Variants in CD247 observed in about 807,000 individuals in gnomAD.
The protein encoded by CD247 is T-cell surface glycoprotein CD3 zeta chain.
A neutral mutation model predicts 30.0 loss-of-function variants in CD247; 13 were observed. The ratio of observed to expected loss-of-function variants is 0.43; its 90% confidence interval spans 0.28 to 0.69. The LOEUF is 0.69. Among genes scored for constraint, CD247 ranks in the 30% least tolerant of loss-of-function variants. CD247 has a pLI of 0.16. For synonymous variants in CD247, 72 were observed against 80.0 expected (o/e 0.90, Z 0.53); for missense variants, 193 against 212.6 (o/e 0.91, Z 0.57).
chr1:167,470,631 GT>G (rs1426756957), intron 1 of CD247, among the ~76,000 whole-genome samples: 5 of 150,660 alleles, frequency 3.3e-5, no homozygotes, highest in Non-Finnish European at 5.9e-5. Flanking sequence ...TTCTTCTAAT[GT>G]TTTTTTCTAC....
At chr1:167,482,350 C>T (rs1654007771) in intron 1 of CD247, among the ~76,000 whole-genome samples, 1 of 152,260 alleles carries the variant, frequency 6.6e-6, no homozygotes, top group African/African-American at 2.4e-5. Flanking sequence ...GGTCTTCCCT[C>T]ACCAACAGCC....
chr1:167,439,483 G>C (rs893668534), intron 2 of CD247, 83 bp from the exon 3 acceptor site: 72 of 1,220,858 alleles, frequency 5.9e-5, no homozygotes, highest in Non-Finnish European at 8.5e-5. Flanking sequence ...GGCGACCCGA[G>C]GGACAGCCCT....
chr1:167,491,295 G>T (rs903684226), intron 1 of CD247, among the ~76,000 whole-genome samples: 1 of 152,140 alleles, frequency 6.6e-6, no homozygotes, highest in Non-Finnish European at 1.5e-5. Flanking sequence ...CTGGCCGGGC[G>T]CAGTGGCTCA....
intron 7 of CD247, 27 bp from the exon 8 acceptor site, chr1:167,431,773 A>C: frequency 1.2e-6 from 2 of 1,607,810 alleles, no homozygotes; most frequent in African/African-American, 1.3e-5. Context: ...TCAGAAAACA[A>C]AGAGTGGGTC....
At chr1:167,512,209 C>A (rs1336799928) in intron 1 of CD247, among the ~76,000 whole-genome samples, 1 of 152,092 alleles carries the variant, frequency 6.6e-6, no homozygotes, top group Admixed American at 6.5e-5. Flanking sequence ...CCTTGCACGG[C>A]CCCCAATAAA....
chr1:167,475,042 G>A (rs546451165), intron 1 of CD247, among the ~76,000 whole-genome samples: 24 of 152,094 alleles, frequency 1.6e-4, no homozygotes, highest in Middle Eastern at 6.8e-3. Context: ...GTGAGCCACC[G>A]CACCCGGCAA....
intron 1 of CD247, among the ~76,000 whole-genome samples, chr1:167,474,753 T>G (rs1046881418): frequency 8.8e-4 from 87 of 99,208 alleles, no homozygotes; most frequent in African/African-American, 3.3e-3. Context: ...TAAAACTGTC[T>G]TTTTTTTTTT....
intron 1 of CD247, among the ~76,000 whole-genome samples, chr1:167,513,897 A>G (rs752891287): frequency 3.3e-5 from 5 of 152,212 alleles, no homozygotes; most frequent in Non-Finnish European, 7.3e-5. Flanking sequence ...CTTACAACTC[A>G]TTTCAAATAA....
In CD247 at chr1:167,432,132, A is replaced by G. The variant is rs936425009; in HGVS notation, c.430-386T>C. On this transcript the variant is annotated intron_variant, in intron 7 of 7. Transcript: ENST00000362089. ...GGGAGGGCCCAGACCTGCTCCAGAG[A>G]ATCTGCTGTCCCTGACACCTGGGCC... Among the ~76,000 whole-genome samples the G allele has an allele frequency of 2.4e-4, 36 of 152,328 alleles. 1 individual carries two copies. The highest frequency in any genetic ancestry group is 7.5e-4 in the African/African-American group (31 of 41,572).
At chr1:167,489,417 T>C (rs1654348978) in intron 1 of CD247, among the ~76,000 whole-genome samples, 1 of 152,184 alleles carries the variant, frequency 6.6e-6, no homozygotes, top group African/African-American at 2.4e-5. Context: ...ACACTCTCAT[T>C]GAGATAGCAG....
chr1:167,472,840 C>T (rs772846987), intron 1 of CD247, among the ~76,000 whole-genome samples: 4 of 152,140 alleles, frequency 2.6e-5, no homozygotes, highest in East Asian at 1.9e-4. Flanking sequence ...AGGGCCTGTT[C>T]GGCTTGGTGT....
At position 167,438,637 on chromosome 1, in the gene CD247, C is replaced by T. The variant is rs1348437157; in HGVS notation, c.233G>A (p.Gly78Glu). ...CAAAACATCGTACTCCTCTCTTCGT[C>T]CTAGATTGAGCTCCTATAACAGATA... Reference protein sequence around the residue: ...QNQLYNELNLGRREEYDVLDK... With the variant: ...QNQLYNELNLERREEYDVLDK... Residue 78 changes from glycine to glutamate, a missense_variant, in exon 4 of 8, where the codon GGA (glycine) becomes GAA (glutamate). By Grantham distance (98) the Gly-to-Glu change is moderately conservative. Coordinates refer to ENST00000362089, the MANE Select transcript of CD247 (RefSeq NM_198053.3). 1 of 1,613,888 alleles carries T rather than the reference C, an allele frequency of 6.2e-7. No individual in the cohort carries two copies. Among genetic ancestry groups the T allele is most frequent in the South Asian group, 1.1e-5 (1 of 91,082 alleles).
At chr1:167,461,403 C>A (rs892813748) in intron 1 of CD247, among the ~76,000 whole-genome samples, 7 of 152,226 alleles carry the variant, frequency 4.6e-5, no homozygotes, top group Non-Finnish European at 7.3e-5. Flanking sequence ...AAATACAGAT[C>A]TCACTGTAGA....
intron 1 of CD247, among the ~76,000 whole-genome samples, chr1:167,467,531 G>A (rs1376848174): frequency 6.6e-6 from 1 of 152,186 alleles, no homozygotes; most frequent in Non-Finnish European, 1.5e-5. Flanking sequence ...AGAAAGCGCT[G>A]AACTGTTTAC....
intron 3 of CD247, among the ~76,000 whole-genome samples, chr1:167,438,883 G>C (rs1360990711): frequency 6.6e-6 from 1 of 152,178 alleles, no homozygotes; most frequent in Non-Finnish European, 1.5e-5. Context: ...AAGTACTATA[G>C]GCTGATCAGT....
chr1:167,447,394 T>TGG (rs1652134649), intron 1 of CD247, among the ~76,000 whole-genome samples: 1 of 152,098 alleles, frequency 6.6e-6, no homozygotes, highest in Admixed American at 6.5e-5. Flanking sequence ...TGGCCTCTGC[T>TGG]TGAATATCTC....
intron 7 of CD247, 36 bp from the exon 8 acceptor site, chr1:167,431,782 T>C (rs1651283218): frequency 6.3e-7 from 1 of 1,595,784 alleles, no homozygotes; most frequent in Non-Finnish European, 8.6e-7. Flanking sequence ...AAAGAGTGGG[T>C]CAGTAGCCTG....
chr1:167,515,679 A>T lies in CD247; in HGVS notation c.58+2729T>A, dbSNP rs538947431. On this transcript the variant is annotated intron_variant, in intron 1 of 7. Transcript: ENST00000362089. ...CACTATCGGGCCTACCTCTGCAATC[A>T]TTGTTATGTTTCTGTGCTGGTATGG... 2.0e-3 allele frequency among the ~76,000 whole-genome samples: 298 copies of T among 152,316 alleles called. 2 individuals are homozygous for T. The highest frequency in any genetic ancestry group is 6.9e-3 in the African/African-American group (286 of 41,566).
At position 167,448,484 on chromosome 1, in the gene CD247, C is replaced by T. The variant is rs1037113527; in HGVS notation, c.59-7717G>A. The T allele has an allele frequency of 8.6e-5, 85 of 985,212 alleles. No homozygotes were observed. In the Admixed American group the frequency reaches 1.8e-3, roughly 21 times the overall value. The allele number at this position is 985,212 out of a possible 1,614,324, so 61.0% of individuals were successfully genotyped here. A position where few individuals can be genotyped will look rare whatever the true frequency, so the allele number is the denominator to read the frequency against. On this transcript the variant is annotated intron_variant, in intron 1 of 7. Coordinates refer to ENST00000362089, the MANE Select transcript of CD247 (RefSeq NM_198053.3). Reference sequence around the variant, plus strand: ...TTTCTTTCATTGAGGGCTGAGAGGCCGGCCTGGGGGGTTGACAGATACAGA... The same window carrying T: ...TTTCTTTCATTGAGGGCTGAGAGGCTGGCCTGGGGGGTTGACAGATACAGA...
Sources: gnomAD v4.1 joint callset for allele counts (sites outside exome capture counted in the v4.1 genomes callset) on GRCh38, gnomAD v4.1.1 for gene constraint, MANE v1.5 for transcripts, NCBI Gene and HGNC (gene_info 2026-07-23, HGNC 2026-07-21) for gene names.